Variants in B3GALT1 observed in about 807,000 individuals in gnomAD.
B3GALT1 encodes beta-1,3-galactosyltransferase 1, also known as UDP-Gal:betaGlcNAc beta 1,3-galactosyltransferase, polypeptide 1.
A neutral mutation model predicts 23.2 loss-of-function variants in B3GALT1; 10 were observed. That is an observed-to-expected ratio of 0.43 (90% CI 0.27 to 0.73). The LOEUF is 0.73. B3GALT1 is among the 30% of genes least tolerant of loss of function. The probability of loss-of-function intolerance (pLI) is 0.21; values close to 1 mark genes in which losing one functional copy is unlikely to be tolerated. For synonymous variants in B3GALT1, 156 were observed against 141.5 expected (o/e 1.10, Z -0.73); for missense variants, 299 against 405.4 (o/e 0.74, Z 2.25).
At chr2:167,424,444 T>C (rs578161434) in intron 1 of B3GALT1, among the ~76,000 whole-genome samples, 126 of 152,306 alleles carry the variant, frequency 8.3e-4, no homozygotes, top group Middle Eastern at 3.4e-3. Context: ...ATCACTGAAA[T>C]GCCACCTGCT....
At position 167,393,217 on chromosome 2, in the gene B3GALT1, G is replaced by C. The variant is rs187947310; in HGVS notation, c.-510-96960G>C. On this transcript the variant is annotated intron_variant, in intron 1 of 4. Transcript: ENST00000392690. ...CCACTGCACTCCAGCCTGGGCGACA[G>C]AGCGAGACTCCGTCTCAAAAGAAAA... Among the ~76,000 whole-genome samples the C allele has an allele frequency of 6.0e-5, 9 of 149,746 alleles. 1 individual carries two copies. The highest frequency in any genetic ancestry group is 2.2e-4 in the African/African-American group (9 of 40,584).
chr2:167,465,707 T>C (rs574987147), intron 1 of B3GALT1, among the ~76,000 whole-genome samples: 1 of 152,280 alleles, frequency 6.6e-6, no homozygotes, highest in South Asian at 2.1e-4. Flanking sequence ...TATTTAAATG[T>C]ATTTCAAAAA....
intron 2 of B3GALT1, among the ~76,000 whole-genome samples, chr2:167,639,222 A>C (rs1244272442): frequency 6.6e-6 from 1 of 152,056 alleles, no homozygotes; most frequent in Non-Finnish European, 1.5e-5. Context: ...TAAGACATAG[A>C]AAGTTACATA....
intron 1 of B3GALT1, among the ~76,000 whole-genome samples, chr2:167,337,870 C>T (rs1010689518): frequency 1.3e-5 from 2 of 152,046 alleles, no homozygotes; most frequent in African/African-American, 4.8e-5. Context: ...AAAGAATAAT[C>T]AATATTATTA....
chr2:167,866,821 A>G (rs572523753), intron 4 of B3GALT1, among the ~76,000 whole-genome samples: 9 of 152,350 alleles, frequency 5.9e-5, no homozygotes, highest in Non-Finnish European at 1.3e-4. Flanking sequence ...AATCAGATAC[A>G]TAGCCTAGGA....
At position 167,837,884 on chromosome 2, in the gene B3GALT1, C is replaced by T. The variant is rs529784827; in HGVS notation, c.-230+19091C>T. 8.0e-3 allele frequency among the ~76,000 whole-genome samples: 1,212 copies of T among 152,084 alleles called. 14 individuals carry two copies. The highest frequency in any genetic ancestry group is 0.026 in the African/African-American group (1,076 of 41,420). On this transcript the variant is annotated intron_variant, in intron 4 of 4. Transcript: ENST00000392690. ...CAGGATTAAGAAACTCACTCAAAAC[C>T]GCTCAACTACATGGAAACTGAACAA...
At chr2:167,678,786 T>G (rs1398992043) in intron 3 of B3GALT1, among the ~76,000 whole-genome samples, 1 of 152,210 alleles carries the variant, frequency 6.6e-6, no homozygotes, top group Non-Finnish European at 1.5e-5. Flanking sequence ...TAAAGTAATT[T>G]CAATTAATAG....
At chr2:167,535,437 C>T (rs1312105941) in intron 2 of B3GALT1, among the ~76,000 whole-genome samples, 1 of 152,156 alleles carries the variant, frequency 6.6e-6, no homozygotes, top group Non-Finnish European at 1.5e-5. Flanking sequence ...GAATACCTCA[C>T]ATGTGGGGAT....
chr2:167,444,579 TC>T (rs952896143), intron 1 of B3GALT1, among the ~76,000 whole-genome samples: 56 of 152,296 alleles, frequency 3.7e-4, no homozygotes, highest in African/African-American at 1.3e-3. Flanking sequence ...TTCAACTTCT[TC>T]CTTTTTAGTC....
intron 2 of B3GALT1, among the ~76,000 whole-genome samples, chr2:167,564,716 A>AT (rs1684119296): frequency 6.6e-6 from 1 of 152,224 alleles, no homozygotes; most frequent in Non-Finnish European, 1.5e-5. Context: ...TACACCAATA[A>AT]CAGACAGACA....
chr2:167,328,510 A>C (rs546232433), intron 1 of B3GALT1, among the ~76,000 whole-genome samples: 3 of 152,120 alleles, frequency 2.0e-5, no homozygotes, highest in Admixed American at 6.6e-5. Context: ...TATTTTGTTC[A>C]TAATAATCTC....
At chr2:167,639,821 C>T (rs1490931653) in intron 2 of B3GALT1, among the ~76,000 whole-genome samples, 1 of 152,054 alleles carries the variant, frequency 6.6e-6, no homozygotes, top group African/African-American at 2.4e-5. Context: ...ACATCCAAAT[C>T]ATTGAAGTAT....
intron 2 of B3GALT1, among the ~76,000 whole-genome samples, chr2:167,564,122 C>T (rs1233073560): frequency 6.0e-5 from 9 of 150,574 alleles, no homozygotes; most frequent in Non-Finnish European, 1.2e-4. Flanking sequence ...GGCTGCCTGG[C>T]GGAGGGGCTC....
rs534065994 is a variant in B3GALT1, at chr2:167,374,173, G to A, written c.-511+80839G>A. 3.4e-4 allele frequency among the ~76,000 whole-genome samples: 52 copies of A among 152,254 alleles called. No individual in the cohort carries two copies. The South Asian group carries it at 0.01, about 30-fold the overall frequency. ...GATAATTGTCTCCAGCTGCGTCCAT[G>A]CAGCTGGCAATGGATATGATTTTGG... On this transcript the variant is annotated intron_variant, in intron 1 of 4. Coordinates refer to ENST00000392690, the MANE Select transcript of B3GALT1 (RefSeq NM_020981.4).
chr2:167,424,603 G>A (rs1325392106), intron 1 of B3GALT1, among the ~76,000 whole-genome samples: 1 of 151,894 alleles, frequency 6.6e-6, no homozygotes, highest in Non-Finnish European at 1.5e-5. Context: ...GTGTGTGTGT[G>A]GTGATTTCCA....
At chr2:167,579,562 C>A (rs2105406338) in intron 2 of B3GALT1, among the ~76,000 whole-genome samples, 1 of 151,448 alleles carries the variant, frequency 6.6e-6, no homozygotes, top group South Asian at 2.1e-4. Flanking sequence ...CGCTGACACT[C>A]AATGAGGCCT....
intron 2 of B3GALT1, among the ~76,000 whole-genome samples, chr2:167,532,201 A>C (rs562117416): frequency 2.5e-4 from 38 of 152,156 alleles, no homozygotes; most frequent in African/African-American, 8.2e-4. Flanking sequence ...GGATGCTAGC[A>C]TATGAATTTT....
intron 1 of B3GALT1, among the ~76,000 whole-genome samples, chr2:167,345,619 G>T (rs780242826): frequency 6.6e-6 from 1 of 152,134 alleles, no homozygotes; most frequent in Non-Finnish European, 1.5e-5. Flanking sequence ...AAAGCCAGGC[G>T]TGTTCATTAT....
intron 2 of B3GALT1, among the ~76,000 whole-genome samples, chr2:167,640,430 G>T (rs1685629885): frequency 6.6e-6 from 1 of 151,996 alleles, no homozygotes; most frequent in Admixed American, 6.6e-5. Context: ...AAAGGCCTTG[G>T]AATATATTTT....
Sources: allele counts gnomAD v4.1 joint callset (sites outside exome capture counted in the v4.1 genomes callset), GRCh38; gene constraint gnomAD v4.1.1; transcripts MANE v1.5; gene names NCBI Gene and HGNC (gene_info 2026-07-23, HGNC 2026-07-21).